METTL8: variants seen among roughly 807,000 people sequenced by gnomAD.
METTL8 encodes the protein methyltransferase 8, tRNA N3-cytidine.
A neutral mutation model predicts 48.7 loss-of-function variants in METTL8; 32 were observed. That is an observed-to-expected ratio of 0.66 (90% CI 0.50 to 0.88). The LOEUF is 0.88. METTL8 is among the 40% of genes least tolerant of loss of function. The pLI is 0.00. For synonymous variants in METTL8, 136 were observed against 157.1 expected (o/e 0.87, Z 1.01); for missense variants, 464 against 474.4 (o/e 0.98, Z 0.20).
At chr2:171,343,264 A>T (rs897179725) in intron 3 of METTL8, among the ~76,000 whole-genome samples, 1 of 152,040 alleles carries the variant, frequency 6.6e-6, no homozygotes, top group Non-Finnish European at 1.5e-5. Context: ...ACATGGAGAA[A>T]CCCCATCTCT....
At chr2:171,346,412 C>T (rs1297520337) in intron 3 of METTL8, among the ~76,000 whole-genome samples, 1 of 152,208 alleles carries the variant, frequency 6.6e-6, no homozygotes, top group Non-Finnish European at 1.5e-5. Flanking sequence ...TAATTTCTTA[C>T]TTTCAGATTG....
chr2:171,432,252 G>A (rs1333411232), intron 1 of METTL8, among the ~76,000 whole-genome samples: 1 of 152,078 alleles, frequency 6.6e-6, no homozygotes, highest in Non-Finnish European at 1.5e-5. Context: ...TGTGTCACAA[G>A]TAAGGCAGAA....
chr2:171,329,768 C>T (rs528521304), intron 7 of METTL8, among the ~76,000 whole-genome samples: 21 of 152,316 alleles, frequency 1.4e-4, no homozygotes, highest in Middle Eastern at 3.4e-3. Context: ...AAAAGGGTCA[C>T]ACTCATCAAA....
chr2:171,415,349 C>CTTTTT (rs762739077), intron 1 of METTL8, among the ~76,000 whole-genome samples: 2,356 of 112,332 alleles, frequency 0.021, 104 homozygotes, highest in African/African-American at 0.028. Context: ...ATCTCGAAAT[C>CTTTTT]TTTTTTTTTT....
At chr2:171,415,104 G>A (rs747130708) in intron 1 of METTL8, among the ~76,000 whole-genome samples, 1 of 152,052 alleles carries the variant, frequency 6.6e-6, no homozygotes, top group Non-Finnish European at 1.5e-5. Flanking sequence ...TCTGGGGTAT[G>A]TCTTTATCAG....
chr2:171,360,685 C>G (rs948485909), intron 2 of METTL8, among the ~76,000 whole-genome samples, 172 bp from the exon 3 acceptor site: 2 of 152,134 alleles, frequency 1.3e-5, no homozygotes, highest in Non-Finnish European at 2.9e-5. Flanking sequence ...GGCGCTGGTA[C>G]AACCCTGGAA....
chr2:171,417,831 ACTC>A (rs1326249026), intron 1 of METTL8, among the ~76,000 whole-genome samples: 1 of 152,200 alleles, frequency 6.6e-6, no homozygotes, highest in African/African-American at 2.4e-5. Context: ...ATAATTAACA[ACTC>A]AATAGTAATA....
intron 1 of METTL8, among the ~76,000 whole-genome samples, chr2:171,401,848 T>C (rs1689680775): frequency 6.6e-6 from 1 of 152,028 alleles, no homozygotes; most frequent in Non-Finnish European, 1.5e-5. Context: ...CTCTGACTTC[T>C]TGCTAGGTGA....
intron 3 of METTL8, among the ~76,000 whole-genome samples, chr2:171,350,882 G>A (rs1683838886): frequency 6.6e-6 from 1 of 152,180 alleles, no homozygotes; most frequent in African/African-American, 2.4e-5. Flanking sequence ...CAGATGGGTA[G>A]ATTGCAAAAA....
rs1438321536 is a variant in METTL8 at position 171,319,876 on chromosome 2, G to C, written c.*4296C>G. ...TTAAACAATATATTCCATTGTTTCT[G>C]TACTGTAAGAAGATGAAAGAATATA... On this transcript the variant is annotated 3_prime_UTR_variant, in exon 10 of 10. Transcript: ENST00000375258. The C allele has an allele frequency of 6.6e-6, 1 of 152,120 alleles. No homozygotes were observed. The highest frequency in any genetic ancestry group is 2.4e-5 in the African/African-American group (1 of 41,426). The allele number at this position is 152,120 out of a possible 1,614,324, so 9.4% of individuals were successfully genotyped here.
In METTL8 at chr2:171,408,465, T is replaced by A. The variant is rs150217974; in HGVS notation, c.-12-16268A>T. On this transcript the variant is annotated intron_variant, in intron 1 of 9. Transcript: ENST00000375258. ...ATGCACCACCACGCTTGGCTTTTTTTATTTTTAGTAGAGATGTGGTTTCTC... is the reference window on the plus strand; with the variant it reads ...ATGCACCACCACGCTTGGCTTTTTTAATTTTTAGTAGAGATGTGGTTTCTC... Among the ~76,000 whole-genome samples, 527 of 152,218 alleles carry A rather than the reference T, an allele frequency of 3.5e-3. 2 individuals carry two copies. The highest frequency in any genetic ancestry group is 0.012 in the African/African-American group (500 of 41,560).
At chr2:171,434,497 G>A (rs761324965), upstream of METTL8, 32 of 1,522,064 alleles carry the variant, frequency 2.1e-5, no homozygotes, top group South Asian at 3.7e-4. Context: ...GAAATTCGAA[G>A]GCAGCGGCGG....
At chr2:171,426,929 A>G (rs1264207317) in intron 1 of METTL8, among the ~76,000 whole-genome samples, 11 of 152,180 alleles carry the variant, frequency 7.2e-5, no homozygotes, top group Admixed American at 7.2e-4. Context: ...TCTGACCCCT[A>G]CCTACTTCTG....
chr2:171,324,127 G>C lies in METTL8; in HGVS notation c.*45C>G, dbSNP rs1684690799. On this transcript the variant is annotated 3_prime_UTR_variant, in exon 10 of 10. Transcript: ENST00000375258. ...AAACAATAGACTTACAGTAGTCCTT[G>C]AATAGCACAGTCCTCTGGCTTTGTA... 2 of 1,347,912 alleles carry C rather than the reference G, an allele frequency of 1.5e-6. No homozygotes were observed. The highest frequency in any genetic ancestry group is 2.0e-6 in the Non-Finnish European group (2 of 982,160). The allele number at this position is 1,347,912 out of a possible 1,614,324, so 83.5% of individuals were successfully genotyped here.
At chr2:171,380,312 G>A (rs1016538614) in intron 2 of METTL8, among the ~76,000 whole-genome samples, 2 of 152,180 alleles carry the variant, frequency 1.3e-5, no homozygotes, top group African/African-American at 4.8e-5. Context: ...GGCAAAAGCT[G>A]GAAGTATTCC....
rs1359599622 is a variant in METTL8, at chr2:171,321,504, T to C, written c.*2668A>G. 6.6e-6 allele frequency: 1 copy of C among 152,180 alleles called. No homozygotes were observed. Among genetic ancestry groups the C allele is most frequent in the Non-Finnish European group, 1.5e-5 (1 of 68,026 alleles). 9.4% of individuals were successfully genotyped at this position (152,180 alleles called of 1,614,324 possible). On this transcript the variant is annotated 3_prime_UTR_variant, in exon 10 of 10. Coordinates refer to ENST00000375258, the MANE Select transcript of METTL8 (RefSeq NM_001321154.2). ...AATTAAGCTGCCCTGCCCCAGCCTG[T>C]TAAGAGATGAACCAATGACTAAAGC...
rs1693483919 is a variant in METTL8, at chr2:171,433,907, G to A, written c.-37C>T. The A allele has an allele frequency of 5.7e-6, 1 of 175,726 alleles. No individual in the cohort carries two copies. The allele number at this position is 175,726 out of a possible 1,614,324, so 10.9% of individuals were successfully genotyped here. A position where few individuals can be genotyped will look rare whatever the true frequency, so the allele number is the denominator to read the frequency against. ...CCTTTAGCACGGGACGCTGCTTTGG[G>A]GGGATCGCCCTCGACACAGCGCCCC... On this transcript the variant is annotated 5_prime_UTR_variant, in exon 1 of 10. Coordinates refer to ENST00000375258, the MANE Select transcript of METTL8 (RefSeq NM_001321154.2).
chr2:171,415,349 CTTTTTT>C (rs762739077), intron 1 of METTL8, among the ~76,000 whole-genome samples: 1 of 112,398 alleles, frequency 8.9e-6, no homozygotes, highest in Admixed American at 9.3e-5. Context: ...ATCTCGAAAT[CTTTTTT>C]TTTTTTTTTT....
chr2:171,405,776 G>A (rs1574163860), intron 1 of METTL8, among the ~76,000 whole-genome samples: 1 of 152,204 alleles, frequency 6.6e-6, no homozygotes, highest in Non-Finnish European at 1.5e-5. Flanking sequence ...CATCAGCTAT[G>A]TGAGGTATCT....
Sources: gnomAD v4.1 joint callset for allele counts (sites outside exome capture counted in the v4.1 genomes callset) on GRCh38, gnomAD v4.1.1 for gene constraint, MANE v1.5 for transcripts, NCBI Gene and HGNC (gene_info 2026-07-23, HGNC 2026-07-21) for gene names.